ANKIB1: variants seen among roughly 807,000 people sequenced by gnomAD.
ANKIB1 encodes the protein ankyrin repeat and IBR domain containing 1, also known as ankyrin repeat and IBR domain-containing protein 1.
A neutral mutation model predicts 122.1 loss-of-function variants in ANKIB1; 43 were observed. That is an observed-to-expected ratio of 0.35 (90% CI 0.28 to 0.45). ANKIB1 has a LOEUF of 0.45. Among genes scored for constraint, ANKIB1 ranks in the 20% least tolerant of loss-of-function variants. ANKIB1 has a pLI of 1.00. For missense variants in ANKIB1, 992 were observed against 1,329.5 expected (o/e 0.75, Z 3.95); for synonymous variants, 390 against 442.0 (o/e 0.88, Z 1.48).
intron 2 of ANKIB1, among the ~76,000 whole-genome samples, chr7:92,301,596 G>A (rs865915051): frequency 5.3e-5 from 8 of 151,948 alleles, no homozygotes; most frequent in Middle Eastern, 3.4e-3. Context: ...CTATTTTTCA[G>A]GTGTATGGTT....
intron 1 of ANKIB1, among the ~76,000 whole-genome samples, chr7:92,255,633 C>G (rs757728238): frequency 3.3e-5 from 5 of 152,108 alleles, no homozygotes; most frequent in Non-Finnish European, 5.9e-5. Context: ...TCCCCTCCCC[C>G]AGAATAACAA....
At chr7:92,359,079 T>G (rs183663962) in intron 9 of ANKIB1, among the ~76,000 whole-genome samples, 63 of 150,956 alleles carry the variant, frequency 4.2e-4, no homozygotes, top group African/African-American at 1.5e-3. Context: ...ACGTATCCAG[T>G]TTTTTTTTCG....
At chr7:92,373,406 A>G (rs951005638) in intron 11 of ANKIB1, among the ~76,000 whole-genome samples, 2 of 152,198 alleles carry the variant, frequency 1.3e-5, no homozygotes, top group Admixed American at 6.5e-5. Flanking sequence ...TATTGCATTC[A>G]TGAATGTTTT....
chr7:92,307,977 A>G (rs1475048574), intron 3 of ANKIB1, among the ~76,000 whole-genome samples: 1 of 151,502 alleles, frequency 6.6e-6, no homozygotes, highest in African/African-American at 2.4e-5. Flanking sequence ...CAATTAGCCC[A>G]GCTAATTTTT....
At chr7:92,271,790 AG>A (rs1434113151) in intron 1 of ANKIB1, among the ~76,000 whole-genome samples, 1 of 152,212 alleles carries the variant, frequency 6.6e-6, no homozygotes, top group Non-Finnish European at 1.5e-5. Context: ...AAGAGATTAA[AG>A]ATGAGACAAA....
At chr7:92,325,829 C>A in intron 4 of ANKIB1, 1 of 311,586 alleles carries the variant, frequency 3.2e-6, no homozygotes, top group South Asian at 2.9e-5. Context: ...CACAATCTTT[C>A]AATGGTCTTT....
chr7:92,393,695 G>T (rs1276241139), intron 17 of ANKIB1, among the ~76,000 whole-genome samples: 2 of 151,938 alleles, frequency 1.3e-5, no homozygotes, highest in Non-Finnish European at 2.9e-5. Context: ...GTGTCACTTT[G>T]TTTTTTATGA....
rs535413336 is a variant in ANKIB1 at position 92,393,438 on chromosome 7, A to G, written c.2283+1146A>G. ...ATTTCAATGTTATAATACATTTACA[A>G]CTTCGGGGATATTGTGGTAAACTTC... On this transcript the variant is annotated intron_variant, in intron 17 of 19. Transcript: ENST00000265742. Among the ~76,000 whole-genome samples the G allele has an allele frequency of 9.0e-4, 137 of 152,218 alleles. 2 individuals carry two copies. In the South Asian group the frequency reaches 0.025, roughly 28 times the overall value.
intron 1 of ANKIB1, among the ~76,000 whole-genome samples, chr7:92,247,703 T>C (rs1176062229): frequency 6.6e-6 from 1 of 152,230 alleles, no homozygotes; most frequent in African/African-American, 2.4e-5. Context: ...TATATGACTT[T>C]ATGCATTTGC....
intron 11 of ANKIB1, among the ~76,000 whole-genome samples, chr7:92,383,283 T>A (rs138979645): frequency 0.041 from 6,304 of 152,192 alleles, 380 homozygotes; most frequent in African/African-American, 0.14. Context: ...CAGGACCAGA[T>A]GGATTCACAG....
chr7:92,279,852 C>A (rs998064207), intron 1 of ANKIB1, among the ~76,000 whole-genome samples: 1 of 152,032 alleles, frequency 6.6e-6, no homozygotes, highest in Non-Finnish European at 1.5e-5. Context: ...TCCAAATTGA[C>A]CCACTCAAAA....
At chr7:92,281,020 C>G (rs945234288) in intron 1 of ANKIB1, among the ~76,000 whole-genome samples, 1 of 152,116 alleles carries the variant, frequency 6.6e-6, no homozygotes, top group Non-Finnish European at 1.5e-5. Context: ...TAAAGCTAGA[C>G]TTACAGGAAA....
chr7:92,394,753 T>C (rs936237122), intron 17 of ANKIB1, among the ~76,000 whole-genome samples: 1 of 152,170 alleles, frequency 6.6e-6, no homozygotes, highest in African/African-American at 2.4e-5. Context: ...GAGGAAATGA[T>C]GTCCCACCTC....
chr7:92,383,717 T>A (rs9691719), intron 11 of ANKIB1, among the ~76,000 whole-genome samples: 22,391 of 152,118 alleles, frequency 0.15, 2,040 homozygotes, highest in East Asian at 0.38. Context: ...CTCTCAATAG[T>A]CTAGGTATTG....
At chr7:92,256,408 A>C (rs1393838737) in intron 1 of ANKIB1, among the ~76,000 whole-genome samples, 3 of 152,242 alleles carry the variant, frequency 2.0e-5, no homozygotes, top group African/African-American at 7.2e-5. Context: ...CCTATTAAGG[A>C]GTTTATCTAA....
chr7:92,254,169 C>T (rs180740772), intron 1 of ANKIB1, among the ~76,000 whole-genome samples: 21 of 152,224 alleles, frequency 1.4e-4, no homozygotes, highest in African/African-American at 2.2e-4. Context: ...TTTAGCTGAA[C>T]GCACAGGAAC....
In ANKIB1 at chr7:92,246,239, C is replaced by G. The variant is rs554339145; in HGVS notation, c.-371C>G. The G allele has an allele frequency of 2.7e-6, 1 of 376,698 alleles. No individual in the cohort carries two copies. Among genetic ancestry groups the G allele is most frequent in the Non-Finnish European group, 5.0e-6 (1 of 198,424 alleles). The allele number at this position is 376,698 out of a possible 1,614,324, so 23.3% of individuals were successfully genotyped here. A position where few individuals can be genotyped will look rare whatever the true frequency, so the allele number is the denominator to read the frequency against. ...CCCTCCCCCGAGTGAGGCGGCGCAGCGGCCGGAGAGGGATGGGGGGCGCCC... is the reference window on the plus strand; with the variant it reads ...CCCTCCCCCGAGTGAGGCGGCGCAGGGGCCGGAGAGGGATGGGGGGCGCCC... On this transcript the variant is annotated 5_prime_UTR_variant, in exon 1 of 20. Coordinates refer to ENST00000265742, the MANE Select transcript of ANKIB1 (RefSeq NM_019004.2).
intron 3 of ANKIB1, among the ~76,000 whole-genome samples, chr7:92,315,380 A>G (rs1334103822): frequency 6.6e-6 from 1 of 152,204 alleles, no homozygotes; most frequent in Non-Finnish European, 1.5e-5. Flanking sequence ...ATAGACACTC[A>G]TTTAGAATTT....
At chr7:92,377,060 T>C (rs1804397392) in intron 11 of ANKIB1, among the ~76,000 whole-genome samples, 1 of 152,230 alleles carries the variant, frequency 6.6e-6, no homozygotes, top group Non-Finnish European at 1.5e-5. Context: ...ATTCCCAATT[T>C]GGCTAACTGA....
Sources: gnomAD v4.1 joint callset for allele counts (sites outside exome capture counted in the v4.1 genomes callset) on GRCh38, gnomAD v4.1.1 for gene constraint, MANE v1.5 for transcripts, NCBI Gene and HGNC (gene_info 2026-07-23, HGNC 2026-07-21) for gene names.